The following SNX1 variants were observed in gnomAD, a reference collection of about 807,000 sequenced individuals.
SNX1 encodes sorting nexin-1.
Under a neutral mutation model 71.8 loss-of-function variants are expected in SNX1, and 36 were observed. That is an observed-to-expected ratio of 0.50 (90% CI 0.38 to 0.66). The LOEUF (loss-of-function observed/expected upper bound fraction) is 0.66, where lower values mean the gene tolerates loss of function less well. SNX1 is among the 30% of genes least tolerant of loss of function. The pLI is 0.00. For synonymous variants in SNX1, 254 were observed against 240.7 expected (o/e 1.06, Z -0.51); for missense variants, 612 against 646.7 (o/e 0.95, Z 0.58).
Position 64,136,895 on chromosome 15 carries a change from TC to T in SNX1, c.1482del (p.Lys495SerfsTer55). ...TCCAAGGACTTCAAGAACCACGTGA[TC>T]AAGTACCTTGAGACACTCCTTTACT... Reference protein sequence around the residue: ...EKSKDFKNHVIKYLETLLYSQ... With the variant: ...EKSKDFKNHVXKYLETLLYSQ... On this transcript the variant is annotated frameshift_variant, in exon 14 of 15. Transcript: ENST00000559844. LOFTEE classifies it high-confidence loss of function. 1.2e-6 allele frequency: 2 copies of T among 1,614,020 alleles called. No homozygotes were observed. The highest frequency in any genetic ancestry group is 1.7e-6 in the Non-Finnish European group (2 of 1,179,930).
intron 6 of SNX1, among the ~76,000 whole-genome samples, chr15:64,126,762 T>A (rs993384347): frequency 3.9e-4 from 60 of 152,262 alleles, no homozygotes; most frequent in African/African-American, 1.4e-3. Context: ...GTATTTTTAG[T>A]AGAAACAGGG....
chr15:64,100,189 C>T lies in SNX1; in HGVS notation c.159+4017C>T, dbSNP rs548340137. Among the ~76,000 whole-genome samples the T allele has an allele frequency of 6.3e-3, 955 of 152,332 alleles. 3 individuals carry two copies. The highest frequency in any genetic ancestry group is 0.011 in the Non-Finnish European group (761 of 68,022). ...CAACTGCTGCTGTTAATCATCCCAT[C>T]TGCTCTCTTTTACAGCCCAAGAGGC... On this transcript the variant is annotated intron_variant, in intron 1 of 14. Transcript: ENST00000559844.
At chr15:64,112,470 G>C (rs528202666) in intron 1 of SNX1, 103 bp from the exon 2 acceptor site, 1 of 648,938 alleles carries the variant, frequency 1.5e-6, no homozygotes, top group Non-Finnish European at 2.7e-6. Context: ...TATTGAACTG[G>C]CTGACTGGTG....
intron 5 of SNX1, among the ~76,000 whole-genome samples, chr15:64,124,275 G>A (rs1435821364): frequency 6.6e-6 from 1 of 150,668 alleles, no homozygotes; most frequent in Non-Finnish European, 1.5e-5. Context: ...GGGAGGCTGA[G>A]ACGGGCAGAT....
intron 6 of SNX1, among the ~76,000 whole-genome samples, chr15:64,126,672 C>G (rs943129576): frequency 6.6e-6 from 1 of 152,088 alleles, no homozygotes; most frequent in African/African-American, 2.4e-5. Context: ...CTCCACCTTC[C>G]GGGTTCAAGA....
Position 64,126,111 on chromosome 15 carries a change from T to A in SNX1, c.543T>A (p.Phe181Leu), listed in dbSNP as rs766377028. Residue 181 changes from phenylalanine to leucine, a missense_variant, in exon 6 of 15, where the codon TTT becomes TTA. Phe to Leu is a conservative substitution (Grantham distance 22). Around this residue, in one of 2 missense-constraint regions of SNX1, gnomAD observed 316 missense variants for 284.9 expected, o/e 1.11. Coordinates refer to ENST00000559844, the MANE Select transcript of SNX1 (RefSeq NM_003099.5). Reference protein sequence around the residue: ...TSLPLFRSKQFAVKRRFSDFL... With the variant: ...TSLPLFRSKQLAVKRRFSDFL... Reference sequence around the variant, plus strand: ...TACCATTGTTCAGAAGCAAACAGTTTGCAGTAAAAAGAAGATTTAGTGACT... The same window carrying A: ...TACCATTGTTCAGAAGCAAACAGTTAGCAGTAAAAAGAAGATTTAGTGACT... 6.2e-7 allele frequency: 1 copy of A among 1,614,214 alleles called. No homozygotes were observed.
At chr15:64,135,093 C>G (rs920554061) in intron 12 of SNX1, 1 of 386,714 alleles carries the variant, frequency 2.6e-6, no homozygotes, top group Non-Finnish European at 4.7e-6. Context: ...GTGGGCGGAT[C>G]ACTTGAGGTC....
intron 11 of SNX1, among the ~76,000 whole-genome samples, chr15:64,133,424 A>G (rs780106336): frequency 3.0e-4 from 45 of 152,192 alleles, no homozygotes; most frequent in Non-Finnish European, 5.4e-4. Flanking sequence ...TGTGCTGAGG[A>G]GGCATAGACA....
intron 6 of SNX1, 49 bp downstream of exon 6, chr15:64,126,269 T>G (rs540969307): frequency 6.3e-7 from 1 of 1,586,278 alleles, no homozygotes; most frequent in African/African-American, 1.4e-5. Flanking sequence ...CTTTGCATTC[T>G]CTCCAAAATT....
In SNX1 at chr15:64,131,870, T is replaced by C; in HGVS notation, c.1199T>C (p.Ile400Thr). Residue 400 changes from isoleucine (I) to threonine (T), a missense_variant, in exon 11 of 15, where the codon ATT becomes ACT. Transcript: ENST00000559844. ...FLLAELLSDY[I>T]RLLAIVRAAF... The stretch of plus-strand genomic sequence containing the variant: ...CTTGCTGAGCTCCTGAGTGACTACA[T>C]TCGCCTCCTGGCCATAGTCCGCGTA... The C allele has an allele frequency of 6.2e-7, 1 of 1,614,238 alleles. No homozygotes were observed. The highest frequency in any genetic ancestry group is 8.5e-7 in the Non-Finnish European group (1 of 1,180,030).
chr15:64,127,633 A>G, intron 7 of SNX1, 98 bp from the exon 8 acceptor site: 2 of 847,932 alleles, frequency 2.4e-6, no homozygotes, highest in African/African-American at 1.7e-5. Flanking sequence ...TTAAGTACAA[A>G]AAGTACAGAA....
At chr15:64,115,898 C>T (rs889944445) in intron 2 of SNX1, among the ~76,000 whole-genome samples, 2 of 152,152 alleles carry the variant, frequency 1.3e-5, no homozygotes, top group Non-Finnish European at 2.9e-5. Context: ...TTGTGTGGGA[C>T]CTGCATGATG....
At chr15:64,110,343 A>C (rs1318761335) in intron 1 of SNX1, among the ~76,000 whole-genome samples, 1 of 152,180 alleles carries the variant, frequency 6.6e-6, no homozygotes, top group Admixed American at 6.5e-5. Context: ...CTGTTCTCAC[A>C]AGTAGTTGTT....
chr15:64,099,961 C>T (rs2080941406), intron 1 of SNX1, among the ~76,000 whole-genome samples: 1 of 152,204 alleles, frequency 6.6e-6, no homozygotes, highest in African/African-American at 2.4e-5. Flanking sequence ...ATCTGCCTGC[C>T]TTGGTATCCC....
At position 64,118,459 on chromosome 15, in the gene SNX1, G is replaced by A. The variant is rs144061579; in HGVS notation, c.399+215G>A. Among the ~76,000 whole-genome samples, 557 of 152,352 alleles carry A rather than the reference G, an allele frequency of 3.7e-3. 2 individuals carry two copies. The highest frequency in any genetic ancestry group is 0.02 in the Middle Eastern group (6 of 294). On this transcript the variant is annotated intron_variant, in intron 3 of 14. Coordinates refer to ENST00000559844, the MANE Select transcript of SNX1 (RefSeq NM_003099.5). ...ACGAAGGCTTTCAGTGGTTACTAAA[G>A]ATACTTAGTGTGCGAAGCTTCCACA...
At chr15:64,131,056 A>C (rs1402335937) in intron 10 of SNX1, among the ~76,000 whole-genome samples, 1 of 152,214 alleles carries the variant, frequency 6.6e-6, no homozygotes, top group Non-Finnish European at 1.5e-5. Flanking sequence ...AGGCCGAGGC[A>C]GGTGGGTCAC....
intron 13 of SNX1, 83 bp from the exon 14 acceptor site, chr15:64,136,778 G>A (rs2081364085): frequency 1.0e-6 from 1 of 969,308 alleles, no homozygotes; most frequent in African/African-American, 1.6e-5. Flanking sequence ...GACTGTGTTT[G>A]GCCTTGGTCA....
At chr15:64,104,945 G>A (rs963152901) in intron 1 of SNX1, among the ~76,000 whole-genome samples, 7 of 150,978 alleles carry the variant, frequency 4.6e-5, no homozygotes, top group South Asian at 4.2e-4. Flanking sequence ...TTTAAAAGTA[G>A]GGTTTGGGGC....
chr15:64,126,105 A>G lies in SNX1; in HGVS notation c.537A>G (p.Lys179=). The G allele has an allele frequency of 6.2e-7, 1 of 1,614,162 alleles. No homozygotes were observed. Among genetic ancestry groups the G allele is most frequent in the Admixed American group, 1.7e-5 (1 of 60,028 alleles). Reference sequence around the variant, plus strand: ...CAAGCTTACCATTGTTCAGAAGCAAACAGTTTGCAGTAAAAAGAAGATTTA... The same window carrying G: ...CAAGCTTACCATTGTTCAGAAGCAAGCAGTTTGCAGTAAAAAGAAGATTTA... ...TQTSLPLFRS[K]QFAVKRRFSD... Residue 179 remains lysine (K), a synonymous_variant, in exon 6 of 15, where the codon AAA becomes AAG. Coordinates refer to ENST00000559844, the MANE Select transcript of SNX1 (RefSeq NM_003099.5).
Sources: allele counts gnomAD v4.1 joint callset (sites outside exome capture counted in the v4.1 genomes callset), GRCh38; gene constraint gnomAD v4.1.1; regional missense constraint gnomAD v4.1.1; transcripts MANE v1.5; gene names NCBI Gene and HGNC (gene_info 2026-07-23, HGNC 2026-07-21).